GPC6: variants seen among roughly 807,000 people sequenced by gnomAD.
The protein encoded by GPC6 is glypican 6, also known as glypican-6.
In GPC6, 14 loss-of-function variants were observed where a neutral mutation model predicts 55.2. The observed-to-expected ratio is 0.25, with a 90% CI of 0.17 to 0.40. The LOEUF is 0.40. Ranked by LOEUF, GPC6 falls within the 10% of genes least tolerant of loss-of-function variation. The pLI, the probability that GPC6 is intolerant of heterozygous loss-of-function variation, is 1.00. For synonymous variants in GPC6, 278 were observed against 259.6 expected, an observed-to-expected ratio of 1.07 and a Z score of -0.68; for missense variants, 641 against 708.5, an observed-to-expected ratio of 0.90 and a Z score of 1.08.
chr13:94,384,378 A>T (rs1303348530), intron 7 of GPC6, among the ~76,000 whole-genome samples: 1 of 152,228 alleles, frequency 6.6e-6, no homozygotes. Flanking sequence ...AAGAATGGCC[A>T]GATGGCCTAA....
At chr13:93,383,106 G>A (rs1216474684) in intron 1 of GPC6, among the ~76,000 whole-genome samples, 2 of 152,312 alleles carry the variant, frequency 1.3e-5, no homozygotes, top group Admixed American at 1.3e-4. Context: ...TGCCCTAAAT[G>A]TTTGCTTGAG....
intron 2 of GPC6, among the ~76,000 whole-genome samples, chr13:93,647,451 G>A (rs900338999): frequency 4.6e-5 from 7 of 152,140 alleles, no homozygotes; most frequent in Non-Finnish European, 1.0e-4. Flanking sequence ...TATAAAAAAT[G>A]TATTTACAGG....
intron 4 of GPC6, among the ~76,000 whole-genome samples, chr13:94,261,097 A>T (rs1179843956): frequency 6.6e-6 from 1 of 152,052 alleles, no homozygotes; most frequent in East Asian, 1.9e-4. Flanking sequence ...TACATGGTGA[A>T]ACCCCATGTC....
chr13:94,237,284 C>T (rs567588106), intron 4 of GPC6, among the ~76,000 whole-genome samples: 56 of 149,902 alleles, frequency 3.7e-4, no homozygotes, highest in African/African-American at 1.3e-3. Context: ...TTCTTTCCCC[C>T]TTTCTTCCTC....
At chr13:93,729,498 C>G (rs771498735) in intron 2 of GPC6, among the ~76,000 whole-genome samples, 1 of 152,160 alleles carries the variant, frequency 6.6e-6, no homozygotes, top group African/African-American at 2.4e-5. Context: ...AATTGCACCA[C>G]TGTATACTCA....
chr13:93,884,449 T>A (rs1875200365), intron 3 of GPC6, among the ~76,000 whole-genome samples: 1 of 152,124 alleles, frequency 6.6e-6, no homozygotes, highest in Admixed American at 6.6e-5. Context: ...GGATTTTTTT[T>A]ATCTTTATAA....
At chr13:93,255,106 C>T (rs975139196) in intron 1 of GPC6, among the ~76,000 whole-genome samples, 1 of 152,196 alleles carries the variant, frequency 6.6e-6, no homozygotes, top group African/African-American at 2.4e-5. Context: ...CAGCAGACAC[C>T]TGTCCTTTCA....
chr13:94,356,454 A>C (rs1235148156), intron 6 of GPC6, among the ~76,000 whole-genome samples: 2 of 152,080 alleles, frequency 1.3e-5, no homozygotes, highest in African/African-American at 4.8e-5. Context: ...CCATAAAGGA[A>C]GGGGTTTTTG....
At chr13:93,796,334 T>G (rs1886196363) in intron 2 of GPC6, among the ~76,000 whole-genome samples, 1 of 152,216 alleles carries the variant, frequency 6.6e-6, no homozygotes, top group African/African-American at 2.4e-5. Context: ...AAGCAATTTC[T>G]TCTTTTTGCC....
At chr13:93,455,102 G>A (rs563677448) in intron 1 of GPC6, among the ~76,000 whole-genome samples, 6 of 152,300 alleles carry the variant, frequency 3.9e-5, no homozygotes, top group Admixed American at 3.3e-4. Context: ...CCAAGCCCAC[G>A]CCCACCCGGA....
intron 1 of GPC6, among the ~76,000 whole-genome samples, chr13:93,524,514 A>G (rs1169915292): frequency 6.6e-6 from 1 of 152,042 alleles, no homozygotes; most frequent in Non-Finnish European, 1.5e-5. Context: ...AGCCTTGGAC[A>G]AGAAAGTTTA....
intron 1 of GPC6, among the ~76,000 whole-genome samples, chr13:93,286,658 G>A (rs1425999997): frequency 1.3e-5 from 2 of 152,190 alleles, no homozygotes; most frequent in African/African-American, 2.4e-5. Flanking sequence ...TGGTCTGACC[G>A]TTGACTCCTT....
intron 2 of GPC6, among the ~76,000 whole-genome samples, chr13:93,704,889 A>C (rs889444353): frequency 2.0e-5 from 3 of 151,944 alleles, no homozygotes; most frequent in African/African-American, 4.8e-5. Context: ...GCATGATCTG[A>C]CTGGATCCTC....
At chr13:94,329,564 C>T (rs555997433) in intron 6 of GPC6, among the ~76,000 whole-genome samples, 6 of 152,290 alleles carry the variant, frequency 3.9e-5, no homozygotes, top group Admixed American at 1.3e-4. Context: ...TCCACAGGAT[C>T]TGCAGACAGT....
In GPC6 at chr13:93,829,487, T is replaced by C. The variant is rs1241395146; in HGVS notation, c.320-667T>C. On this transcript the variant is annotated intron_variant, in intron 2 of 8. Coordinates refer to ENST00000377047, the MANE Select transcript of GPC6 (RefSeq NM_005708.5). ...GAAAGTCCAATTGTCAATATTTTAT[T>C]CAAGTTCTATAACATGATGGTTTAT... Among the ~76,000 whole-genome samples the C allele has an allele frequency of 2.0e-5, 3 of 152,224 alleles. No homozygotes were observed. In the East Asian group the frequency reaches 5.8e-4, roughly 29 times the overall value.
chr13:93,662,015 G>T (rs188756316), intron 2 of GPC6, among the ~76,000 whole-genome samples: 1 of 152,206 alleles, frequency 6.6e-6, no homozygotes, highest in Admixed American at 6.5e-5. Flanking sequence ...GATACTGCCG[G>T]TCCCCAAAAC....
chr13:93,624,085 T>C (rs1440192014), intron 2 of GPC6, among the ~76,000 whole-genome samples: 1 of 151,984 alleles, frequency 6.6e-6, no homozygotes, highest in Non-Finnish European at 1.5e-5. Flanking sequence ...TATATTTGCT[T>C]GTTAGTACTG....
intron 4 of GPC6, among the ~76,000 whole-genome samples, chr13:94,073,623 T>C (rs557431260): frequency 7.2e-5 from 11 of 152,260 alleles, no homozygotes; most frequent in Non-Finnish European, 1.5e-4. Flanking sequence ...AGGTGTCAGA[T>C]TACACGGAGA....
intron 6 of GPC6, among the ~76,000 whole-genome samples, chr13:94,368,973 C>T (rs892334493): frequency 2.6e-5 from 4 of 152,204 alleles, no homozygotes; most frequent in South Asian, 4.1e-4. Context: ...CCAAGTAAAA[C>T]GGCCTTGTCC....
Sources: gnomAD v4.1 joint callset for allele counts (sites outside exome capture counted in the v4.1 genomes callset) on GRCh38, gnomAD v4.1.1 for gene constraint, MANE v1.5 for transcripts, NCBI Gene and HGNC (gene_info 2026-07-23, HGNC 2026-07-21) for gene names.